The following THSD7B variants were observed in gnomAD, a reference collection of about 807,000 sequenced individuals.
THSD7B encodes thrombospondin type-1 domain-containing protein 7B.
Under a neutral mutation model 213.6 loss-of-function variants are expected in THSD7B, and 138 were observed. The observed-to-expected ratio is 0.65, with a 90% CI of 0.56 to 0.74. The LOEUF is 0.74. Ranked by LOEUF, THSD7B falls within the 30% of genes least tolerant of loss-of-function variation. The pLI is 0.00. For missense variants in THSD7B, 1,931 were observed against 1,991.5 expected (o/e 0.97, Z 0.58); for synonymous variants, 742 against 687.0 (o/e 1.08, Z -1.25).
chr2:136,808,559 TG>T (rs1682324984), intron 1 of THSD7B, among the ~76,000 whole-genome samples: 2 of 152,188 alleles, frequency 1.3e-5, no homozygotes, highest in Admixed American at 6.5e-5. Flanking sequence ...CAGATTTTTG[TG>T]GGACATATGT....
chr2:137,030,568 C>A (rs1217274842), intron 2 of THSD7B, among the ~76,000 whole-genome samples: 7 of 152,112 alleles, frequency 4.6e-5, no homozygotes, highest in African/African-American at 1.7e-4. Context: ...GTATTTTAAG[C>A]ACTAACACTC....
intron 2 of THSD7B, among the ~76,000 whole-genome samples, chr2:136,958,589 C>T (rs1011060100): frequency 6.6e-6 from 1 of 152,102 alleles, no homozygotes; most frequent in Non-Finnish European, 1.5e-5. Context: ...GAGAACAAGG[C>T]CAAGAAGTCC....
chr2:137,088,253 A>T (rs890462642), intron 3 of THSD7B, among the ~76,000 whole-genome samples: 5 of 152,078 alleles, frequency 3.3e-5, no homozygotes, highest in Non-Finnish European at 4.4e-5. Flanking sequence ...AAAATAAAAA[A>T]AAAATAAAAT....
intron 10 of THSD7B, among the ~76,000 whole-genome samples, chr2:137,262,541 T>A (rs1682476751): frequency 6.6e-6 from 1 of 152,074 alleles, no homozygotes; most frequent in African/African-American, 2.4e-5. Flanking sequence ...TCATTATAGG[T>A]GTTGTTATTA....
intron 2 of THSD7B, among the ~76,000 whole-genome samples, chr2:137,032,606 C>A (rs1006193159): frequency 6.6e-6 from 1 of 152,158 alleles, no homozygotes; most frequent in East Asian, 1.9e-4. Flanking sequence ...CTTTTTCACA[C>A]AATTTAGTAT....
rs548231826 is a variant in THSD7B, at chr2:137,512,581, C to T, written c.3139-50640C>T. Among the ~76,000 whole-genome samples, 3 of 151,650 alleles carry T rather than the reference C, an allele frequency of 2.0e-5. No homozygotes were observed. In the East Asian group the frequency reaches 5.8e-4, roughly 30 times the overall value. On this transcript the variant is annotated intron_variant, in intron 15 of 27. Coordinates refer to ENST00000409968, the MANE Select transcript of THSD7B (RefSeq NM_001316349.2). ...TAATTTTTTGTATTATTTGTAGAGACAGGGTTTTGTCATGTTGCCCAGGAC... is the reference window on the plus strand; with the variant it reads ...TAATTTTTTGTATTATTTGTAGAGATAGGGTTTTGTCATGTTGCCCAGGAC...
At chr2:137,415,937 A>G (rs1228586268) in intron 14 of THSD7B, among the ~76,000 whole-genome samples, 1 of 152,008 alleles carries the variant, frequency 6.6e-6, no homozygotes, top group Non-Finnish European at 1.5e-5. Context: ...ATGAGTGCTT[A>G]TTGTCTCTCC....
intron 10 of THSD7B, among the ~76,000 whole-genome samples, chr2:137,247,535 A>G (rs1185711337): frequency 2.0e-5 from 3 of 152,176 alleles, no homozygotes; most frequent in African/African-American, 2.4e-5. Flanking sequence ...TCAACAGAAT[A>G]TTTCTAGAAA....
chr2:136,983,370 C>CACACACACACACA (rs763445594), intron 2 of THSD7B, among the ~76,000 whole-genome samples: 7 of 144,120 alleles, frequency 4.9e-5, no homozygotes, highest in Non-Finnish European at 7.6e-5. Flanking sequence ...CACACACACA[C>CACACACACACACA]GCACACACAC....
intron 7 of THSD7B, among the ~76,000 whole-genome samples, chr2:137,173,364 C>T (rs2104997670): frequency 6.6e-6 from 1 of 152,304 alleles, no homozygotes; most frequent in African/African-American, 2.4e-5. Flanking sequence ...TGATAAATGA[C>T]TCTCATGCTT....
At chr2:136,910,507 G>A (rs1445193522) in intron 2 of THSD7B, among the ~76,000 whole-genome samples, 2 of 152,146 alleles carry the variant, frequency 1.3e-5, no homozygotes, top group African/African-American at 4.8e-5. Context: ...ATGCACATGG[G>A]TTTTGGGATT....
At chr2:136,806,590 T>C (rs543239331) in intron 1 of THSD7B, among the ~76,000 whole-genome samples, 1 of 152,364 alleles carries the variant, frequency 6.6e-6, no homozygotes, top group African/African-American at 2.4e-5. Flanking sequence ...ACAGGAGAGA[T>C]GCGAAGATAG....
intron 6 of THSD7B, among the ~76,000 whole-genome samples, chr2:137,165,784 C>T (rs970336938): frequency 3.6e-5 from 5 of 140,118 alleles, no homozygotes; most frequent in South Asian, 2.3e-4. Flanking sequence ...CACACACACA[C>T]GTGCATGCAC....
intron 12 of THSD7B, among the ~76,000 whole-genome samples, chr2:137,300,069 A>T (rs147211372): frequency 6.6e-6 from 1 of 152,140 alleles, no homozygotes; most frequent in Non-Finnish European, 1.5e-5. Flanking sequence ...AAGGTTGATT[A>T]TGATTTCTTA....
intron 12 of THSD7B, among the ~76,000 whole-genome samples, chr2:137,285,997 G>A (rs962299038): frequency 2.0e-5 from 3 of 151,510 alleles, no homozygotes; most frequent in Non-Finnish European, 4.4e-5. Context: ...CCAACTACTC[G>A]GGAGGCTGAG....
In THSD7B at chr2:137,271,431, TATATATAATATAATATATAATATA is replaced by T. The variant is rs1161941313; in HGVS notation, c.2267-1076_2267-1053del. On this transcript the variant is annotated intron_variant, in intron 10 of 27. Coordinates refer to ENST00000409968, the MANE Select transcript of THSD7B (RefSeq NM_001316349.2). ...TGAATTATAATATATAATTATATAA[TATATATAATATAATATATAATATA>T]ATATATAATATAATATATAATATAA... is the stretch of plus-strand genomic sequence containing the variant. Among the ~76,000 whole-genome samples, 5 of 136,852 alleles carry T rather than the reference TATATATAATATAATATATAATATA, an allele frequency of 3.7e-5. No homozygotes were observed. The East Asian group carries it at 6.4e-4, about 18-fold the overall frequency. 89.8% of individuals were successfully genotyped at this position (136,852 alleles called of 152,430 possible). A position where few individuals can be genotyped will look rare whatever the true frequency, so the allele number is the denominator to read the frequency against.
chr2:136,905,474 G>T (rs1684143811), intron 2 of THSD7B, among the ~76,000 whole-genome samples: 1 of 152,154 alleles, frequency 6.6e-6, no homozygotes, highest in South Asian at 2.1e-4. Context: ...ATGGAAAAGA[G>T]CTATAATAGC....
At chr2:137,495,155 TA>T (rs1199771373) in intron 15 of THSD7B, among the ~76,000 whole-genome samples, 7 of 152,322 alleles carry the variant, frequency 4.6e-5, no homozygotes, top group East Asian at 1.9e-4. Flanking sequence ...CAATTTGGAT[TA>T]TTTTTTTTCT....
intron 15 of THSD7B, among the ~76,000 whole-genome samples, chr2:137,520,000 C>T (rs1392489512): frequency 6.6e-6 from 1 of 152,082 alleles, no homozygotes; most frequent in Non-Finnish European, 1.5e-5. Context: ...GACGAAGAGC[C>T]CTGAGGCATG....
Sources: gnomAD v4.1 joint callset for allele counts (sites outside exome capture counted in the v4.1 genomes callset) on GRCh38, gnomAD v4.1.1 for gene constraint, MANE v1.5 for transcripts, NCBI Gene and HGNC (gene_info 2026-07-23, HGNC 2026-07-21) for gene names.